Variants in ZCWPW2 observed in about 807,000 individuals in gnomAD.
The protein encoded by ZCWPW2 is zinc finger CW-type PWWP domain protein 2.
A neutral mutation model predicts 46.6 loss-of-function variants in ZCWPW2; 45 were observed. The ratio of observed to expected loss-of-function variants is 0.96; its 90% CI spans 0.76 to 1.24. The LOEUF is 1.24. ZCWPW2 is among the 50% of genes most tolerant of loss of function. The probability of loss-of-function intolerance (pLI) is 0.00; values close to 1 mark genes in which losing one functional copy is unlikely to be tolerated. For synonymous variants in ZCWPW2, 152 were observed against 137.1 expected (o/e 1.11, Z -0.76); for missense variants, 429 against 403.9 (o/e 1.06, Z -0.53).
intron 2 of ZCWPW2, among the ~76,000 whole-genome samples, chr3:28,391,381 A>ACACATG (rs1695484041): frequency 1.1e-5 from 1 of 92,734 alleles, no homozygotes; most frequent in African/African-American, 3.0e-5. Flanking sequence ...ACACACATGC[A>ACACATG]CACACACACA....
chr3:28,478,948 T>C lies in ZCWPW2; in HGVS notation c.610+17T>C, dbSNP rs746212471. 3 of 1,457,612 alleles carry C rather than the reference T, an allele frequency of 2.1e-6. No individual in the cohort carries two copies. Among genetic ancestry groups the C allele is most frequent in the Non-Finnish European group, 2.8e-6 (3 of 1,072,092 alleles). The allele number at this position is 1,457,612 out of a possible 1,614,324, so 90.3% of individuals were successfully genotyped here. On this transcript the variant is annotated intron_variant, in intron 5 of 9. Transcript: ENST00000383768. ...AACTACAAGGTGTATAAATATTTTT[T>C]CTTTATTACTCTGAAATAAGGATTT...
chr3:28,381,548 T>C (rs767130828), intron 1 of ZCWPW2, among the ~76,000 whole-genome samples: 1 of 152,104 alleles, frequency 6.6e-6, no homozygotes, highest in African/African-American at 2.4e-5. Context: ...AAACCTATGT[T>C]ATTCAAGGGT....
chr3:28,477,260 C>G (rs911513075), intron 4 of ZCWPW2, among the ~76,000 whole-genome samples: 19 of 152,084 alleles, frequency 1.2e-4, no homozygotes, highest in African/African-American at 4.6e-4. Context: ...CATCTGTTTC[C>G]TATGAAATAA....
intron 1 of ZCWPW2, among the ~76,000 whole-genome samples, chr3:28,352,664 G>C (rs755624550): frequency 2.0e-5 from 3 of 152,012 alleles, no homozygotes; most frequent in Non-Finnish European, 2.9e-5. Context: ...GTGATTTTTG[G>C]TATATAACTT....
intron 4 of ZCWPW2, among the ~76,000 whole-genome samples, chr3:28,440,693 T>G (rs963023846): frequency 6.6e-6 from 1 of 152,218 alleles, no homozygotes; most frequent in African/African-American, 2.4e-5. Context: ...ACTGCCACGC[T>G]TCTTTAGCTG....
At chr3:28,475,883 A>G (rs1049241780) in intron 4 of ZCWPW2, among the ~76,000 whole-genome samples, 1 of 152,020 alleles carries the variant, frequency 6.6e-6, no homozygotes, top group Non-Finnish European at 1.5e-5. Context: ...CTTACATTTT[A>G]TTACAGAGCA....
At chr3:28,368,627 A>C (rs750019261) in intron 1 of ZCWPW2, among the ~76,000 whole-genome samples, 1 of 152,036 alleles carries the variant, frequency 6.6e-6, no homozygotes, top group African/African-American at 2.4e-5. Flanking sequence ...GAATCTGACA[A>C]TTATGTGTCT....
At chr3:28,407,088 G>A (rs1696195226) in intron 2 of ZCWPW2, among the ~76,000 whole-genome samples, 3 of 152,046 alleles carry the variant, frequency 2.0e-5, no homozygotes, top group African/African-American at 7.2e-5. Flanking sequence ...TGGCCTTCCA[G>A]AATGTTGAGA....
At chr3:28,445,317 C>A (rs1697946845) in intron 4 of ZCWPW2, among the ~76,000 whole-genome samples, 1 of 151,784 alleles carries the variant, frequency 6.6e-6, no homozygotes. Flanking sequence ...TTGTTTTCTG[C>A]ATAACTTAAG....
chr3:28,381,609 G>A (rs1377407737), intron 1 of ZCWPW2, among the ~76,000 whole-genome samples: 1 of 152,006 alleles, frequency 6.6e-6, no homozygotes, highest in Non-Finnish European at 1.5e-5. Flanking sequence ...GACACAGTGA[G>A]ACTATGTCTT....
intron 5 of ZCWPW2, among the ~76,000 whole-genome samples, chr3:28,482,376 G>A (rs1321557962): frequency 6.6e-6 from 1 of 151,578 alleles, no homozygotes; most frequent in Non-Finnish European, 1.5e-5. Flanking sequence ...TGTATGTGCC[G>A]TGATTTTTTA....
At chr3:28,353,149 A>G (rs577175829) in intron 1 of ZCWPW2, among the ~76,000 whole-genome samples, 4 of 151,668 alleles carry the variant, frequency 2.6e-5, no homozygotes, top group African/African-American at 7.3e-5. Flanking sequence ...GCACCACTGC[A>G]CTCCGGCCTG....
rs938136218 is a variant in ZCWPW2 at position 28,473,075 on chromosome 3, G to A, written c.493-5739G>A. On this transcript the variant is annotated intron_variant, in intron 4 of 9. Coordinates refer to ENST00000383768, the MANE Select transcript of ZCWPW2 (RefSeq NM_001040432.4). ...AGTGGCTTATATCCAAAAGACAGGC[G>A]ATAACAAATGCTGGTGAGGATGTAG... Among the ~76,000 whole-genome samples the A allele has an allele frequency of 7.9e-5, 12 of 152,212 alleles. No individual in the cohort carries two copies. The South Asian group carries it at 1.5e-3, about 18-fold the overall frequency.
At chr3:28,357,019 A>C (rs1465887135) in intron 1 of ZCWPW2, among the ~76,000 whole-genome samples, 1 of 152,210 alleles carries the variant, frequency 6.6e-6, no homozygotes, top group Non-Finnish European at 1.5e-5. Flanking sequence ...AAAAAGAAAA[A>C]AATAAATTCC....
chr3:28,435,623 C>T lies in ZCWPW2; in HGVS notation c.492+354C>T, dbSNP rs139371538. Among the ~76,000 whole-genome samples, 31 of 151,834 alleles carry T rather than the reference C, an allele frequency of 2.0e-4. 1 individual carries two copies. Among genetic ancestry groups the T allele is most frequent in the South Asian group, 1.2e-3 (6 of 4,812 alleles). On this transcript the variant is annotated intron_variant, in intron 4 of 9. Transcript: ENST00000383768. Reference sequence around the variant, plus strand: ...GCCTCAGCCTCCCACGTAGCTGGGACTACAGGTGCCCGCCACCATGCACGG... The same window carrying T: ...GCCTCAGCCTCCCACGTAGCTGGGATTACAGGTGCCCGCCACCATGCACGG...
At chr3:28,498,261 G>C (rs2125822187) in intron 6 of ZCWPW2, among the ~76,000 whole-genome samples, 1 of 151,668 alleles carries the variant, frequency 6.6e-6, no homozygotes, top group East Asian at 1.9e-4. Flanking sequence ...GTGTGTGTGT[G>C]TGTGTGTGTG....
At chr3:28,378,870 C>A (rs1261175643) in intron 1 of ZCWPW2, among the ~76,000 whole-genome samples, 1 of 152,094 alleles carries the variant, frequency 6.6e-6, no homozygotes, top group Non-Finnish European at 1.5e-5. Flanking sequence ...GATGTCACTA[C>A]ATAAACTATA....
intron 4 of ZCWPW2, among the ~76,000 whole-genome samples, chr3:28,465,238 A>G (rs1005957007): frequency 6.6e-6 from 1 of 152,216 alleles, no homozygotes; most frequent in Non-Finnish European, 1.5e-5. Context: ...CCATAATGGT[A>G]TTACTGTAGT....
intron 1 of ZCWPW2, among the ~76,000 whole-genome samples, chr3:28,375,586 T>C (rs1705476430): frequency 6.6e-6 from 1 of 152,066 alleles, no homozygotes. Context: ...GAAATAAGCA[T>C]ACCATGGAGA....
Sources: allele counts gnomAD v4.1 joint callset (sites outside exome capture counted in the v4.1 genomes callset), GRCh38; gene constraint gnomAD v4.1.1; transcripts MANE v1.5; gene names NCBI Gene and HGNC (gene_info 2026-07-23, HGNC 2026-07-21).